Variants in IMMP2L observed in about 807,000 individuals in gnomAD.
The protein encoded by IMMP2L is mitochondrial inner membrane protease subunit 2.
In IMMP2L, 18 loss-of-function variants were observed where a neutral mutation model predicts 19.3. That is an observed-to-expected ratio of 0.93 (90% CI 0.64 to 1.38). IMMP2L has a LOEUF of 1.38. IMMP2L is among the 40% of genes most tolerant of loss of function. IMMP2L has a pLI of 0.00. For synonymous variants in IMMP2L, 76 were observed against 73.0 expected, an observed-to-expected ratio of 1.04 and a Z score of -0.21; for missense variants, 233 against 218.2, an observed-to-expected ratio of 1.07 and a Z score of -0.43.
chr7:111,032,089 T>C (rs1303448198), intron 3 of IMMP2L, among the ~76,000 whole-genome samples: 1 of 152,076 alleles, frequency 6.6e-6, no homozygotes. Flanking sequence ...CAAGTGGGCA[T>C]GACCATGCCT....
chr7:111,342,228 A>G (rs1280327266), intron 3 of IMMP2L, among the ~76,000 whole-genome samples: 1 of 152,166 alleles, frequency 6.6e-6, no homozygotes, highest in East Asian at 1.9e-4. Flanking sequence ...AAATTTGTCA[A>G]TTGGGAGTTT....
chr7:111,098,897 TTCTC>T (rs1356444597), intron 3 of IMMP2L, among the ~76,000 whole-genome samples: 1 of 151,782 alleles, frequency 6.6e-6, no homozygotes, highest in African/African-American at 2.4e-5. Context: ...AAGAGTCAGA[TTCTC>T]TATCAAAATA....
intron 5 of IMMP2L, among the ~76,000 whole-genome samples, chr7:110,777,704 T>C (rs913234707): frequency 6.6e-6 from 1 of 152,030 alleles, no homozygotes. Flanking sequence ...TCTGAGGATC[T>C]GCAATAGTGG....
chr7:110,988,835 T>A (rs1402554541), intron 3 of IMMP2L, among the ~76,000 whole-genome samples: 3 of 152,182 alleles, frequency 2.0e-5, no homozygotes, highest in Non-Finnish European at 4.4e-5. Flanking sequence ...GGAAGGATTA[T>A]CATATTATAT....
At chr7:111,494,506 T>C (rs779128798) in intron 2 of IMMP2L, among the ~76,000 whole-genome samples, 9 of 152,202 alleles carry the variant, frequency 5.9e-5, no homozygotes, top group Non-Finnish European at 1.3e-4. Context: ...GCTTCTACCA[T>C]GGACCACTAA....
At chr7:111,077,423 T>C (rs998700471) in intron 3 of IMMP2L, among the ~76,000 whole-genome samples, 1 of 152,238 alleles carries the variant, frequency 6.6e-6, no homozygotes, top group African/African-American at 2.4e-5. Flanking sequence ...ATTATCCACA[T>C]AGCAGCACCA....
At chr7:111,320,062 G>GATAT (rs1824519764) in intron 3 of IMMP2L, among the ~76,000 whole-genome samples, 1 of 151,934 alleles carries the variant, frequency 6.6e-6, no homozygotes, top group African/African-American at 2.4e-5. Flanking sequence ...ATCGTGGGAA[G>GATAT]ATATATATAC....
intron 1 of IMMP2L, among the ~76,000 whole-genome samples, chr7:111,542,213 C>CA (rs1168961954): frequency 6.6e-6 from 1 of 151,612 alleles, no homozygotes; most frequent in Non-Finnish European, 1.5e-5. Context: ...TAAATTATGA[C>CA]AAAAAATATA....
rs949253680 is a variant in IMMP2L at position 111,398,432 on chromosome 7, G to A, written c.239+88806C>T. ...TCGACAAAATCCAGCATCCGTTTAT[G>A]ATTAAAACTTTCAGCAAAAATCGAC... On this transcript the variant is annotated intron_variant, in intron 3 of 5. Coordinates refer to ENST00000405709, the MANE Select transcript of IMMP2L (RefSeq NM_032549.4). Among the ~76,000 whole-genome samples the A allele has an allele frequency of 5.6e-4, 85 of 152,040 alleles. 1 individual carries two copies. The highest frequency in any genetic ancestry group is 2.0e-3 in the African/African-American group (84 of 41,412).
chr7:111,068,438 G>A (rs1009633193), intron 3 of IMMP2L, among the ~76,000 whole-genome samples: 2 of 151,802 alleles, frequency 1.3e-5, no homozygotes, highest in African/African-American at 4.8e-5. Flanking sequence ...ATATTTTCAT[G>A]AAAACAATAT....
intron 3 of IMMP2L, among the ~76,000 whole-genome samples, chr7:111,460,402 C>T (rs193267238): frequency 6.6e-6 from 1 of 152,076 alleles, no homozygotes; most frequent in African/African-American, 2.4e-5. Context: ...AAATGAGAAG[C>T]TAACTTAATG....
intron 3 of IMMP2L, among the ~76,000 whole-genome samples, chr7:111,012,188 A>G (rs7776859): frequency 0.011 from 1,653 of 152,290 alleles, 34 homozygotes; most frequent in African/African-American, 0.038. Context: ...GTAAAATTTG[A>G]TATGGCTAAT....
intron 3 of IMMP2L, among the ~76,000 whole-genome samples, chr7:111,292,856 A>C (rs1472953187): frequency 6.6e-6 from 1 of 152,038 alleles, no homozygotes; most frequent in East Asian, 1.9e-4. Context: ...ATATATATTC[A>C]TTATTTTATC....
At chr7:111,355,391 T>C (rs1333318452) in intron 3 of IMMP2L, among the ~76,000 whole-genome samples, 3 of 151,824 alleles carry the variant, frequency 2.0e-5, no homozygotes, top group African/African-American at 7.2e-5. Flanking sequence ...CCAGATACTG[T>C]ATAAATAAAA....
chr7:111,421,272 T>C (rs1338267594), intron 3 of IMMP2L, among the ~76,000 whole-genome samples: 10 of 120,578 alleles, frequency 8.3e-5, no homozygotes, highest in Admixed American at 2.3e-4. Flanking sequence ...TTTTTCTTTT[T>C]TTTTTTTTTT....
chr7:110,851,003 C>T (rs1806162011), intron 5 of IMMP2L, among the ~76,000 whole-genome samples: 1 of 151,740 alleles, frequency 6.6e-6, no homozygotes, highest in Non-Finnish European at 1.5e-5. Context: ...TCACAAAAAC[C>T]TCAAAGAAAC....
intron 3 of IMMP2L, among the ~76,000 whole-genome samples, chr7:111,139,245 C>T (rs905053358): frequency 2.6e-5 from 4 of 152,082 alleles, no homozygotes; most frequent in Admixed American, 2.6e-4. Context: ...CTGGGAATTA[C>T]AGTGGCACTA....
At chr7:110,850,967 A>C (rs1345825389) in intron 5 of IMMP2L, among the ~76,000 whole-genome samples, 1 of 152,036 alleles carries the variant, frequency 6.6e-6, no homozygotes, top group Non-Finnish European at 1.5e-5. Context: ...AAAAAGATTA[A>C]TAACCATGTA....
At chr7:111,415,178 G>A (rs1418480218) in intron 3 of IMMP2L, among the ~76,000 whole-genome samples, 1 of 151,708 alleles carries the variant, frequency 6.6e-6, no homozygotes, top group Non-Finnish European at 1.5e-5. Flanking sequence ...GCCTGTATAG[G>A]AGCCATGTAG....
Sources: allele counts gnomAD v4.1 joint callset (sites outside exome capture counted in the v4.1 genomes callset), GRCh38; gene constraint gnomAD v4.1.1; transcripts MANE v1.5; gene names NCBI Gene and HGNC (gene_info 2026-07-23, HGNC 2026-07-21).